The following RORA variants were observed in gnomAD, a reference collection of about 807,000 sequenced individuals.
RORA encodes the protein nuclear receptor ROR-alpha.
RORA carries 7 observed loss-of-function variants against 69.5 expected under a neutral mutation model. That is an observed-to-expected ratio of 0.10 (90% CI 0.06 to 0.19). RORA has a LOEUF of 0.19. Among genes scored for constraint, RORA ranks in the 10% least tolerant of loss-of-function variants. The pLI, the probability that RORA is intolerant of heterozygous loss-of-function variation, is 1.00. For missense variants in RORA, 457 were observed against 663.0 expected (o/e 0.69, Z 3.41); for synonymous variants, 261 against 240.8 (o/e 1.08, Z -0.78).
At chr15:60,787,908 T>C (rs2072360935) in intron 1 of RORA, among the ~76,000 whole-genome samples, 1 of 152,262 alleles carries the variant, frequency 6.6e-6, no homozygotes, top group Admixed American at 6.5e-5. Flanking sequence ...AAGTATTGAT[T>C]GTGCTGGGCA....
chr15:60,833,350 G>A (rs1029764453), intron 1 of RORA, among the ~76,000 whole-genome samples: 3 of 152,036 alleles, frequency 2.0e-5, no homozygotes, highest in Non-Finnish European at 2.9e-5. Flanking sequence ...TCAGTAGCTG[G>A]GATTACAGGC....
chr15:60,830,312 C>T (rs1382441431), intron 1 of RORA, among the ~76,000 whole-genome samples: 3 of 152,184 alleles, frequency 2.0e-5, no homozygotes, highest in African/African-American at 7.2e-5. Context: ...ACTCTGTTAA[C>T]ATTTTGGATA....
chr15:61,092,133 A>T (rs1187216468), intron 1 of RORA, among the ~76,000 whole-genome samples: 1 of 152,256 alleles, frequency 6.6e-6, no homozygotes, highest in Non-Finnish European at 1.5e-5. Flanking sequence ...TGCTTAATAA[A>T]TCATCAACAA....
chr15:61,191,644 TG>T (rs2079801502), intron 1 of RORA, among the ~76,000 whole-genome samples: 1 of 152,208 alleles, frequency 6.6e-6, no homozygotes. Flanking sequence ...AGACACTGAC[TG>T]CTTATTGGTT....
chr15:60,787,985 T>C (rs114144217), intron 1 of RORA, among the ~76,000 whole-genome samples: 15 of 152,204 alleles, frequency 9.9e-5, no homozygotes, highest in African/African-American at 2.9e-4. Context: ...TGGAGCTAAG[T>C]CTGGTGGCAG....
intron 1 of RORA, among the ~76,000 whole-genome samples, chr15:60,771,189 C>A (rs1474436893): frequency 9.8e-6 from 1 of 101,974 alleles, no homozygotes; most frequent in East Asian, 2.3e-4. Context: ...TCCAACTCCC[C>A]CTACCCTCCA....
intron 2 of RORA, among the ~76,000 whole-genome samples, chr15:60,562,723 T>C (rs1433730852): frequency 1.3e-5 from 2 of 151,504 alleles, no homozygotes; most frequent in African/African-American, 4.9e-5. Context: ...TGGGATTACA[T>C]GCATGAGCCA....
At chr15:60,591,291 A>AGCGGACG in intron 2 of RORA, among the ~76,000 whole-genome samples, 1 of 152,208 alleles carries the variant, frequency 6.6e-6, no homozygotes, top group Non-Finnish European at 1.5e-5. Flanking sequence ...CGGGCGCACA[A>AGCGGACG]GCGGGCGGCG....
intron 1 of RORA, among the ~76,000 whole-genome samples, chr15:61,094,120 T>A (rs1377892472): frequency 6.6e-6 from 1 of 152,176 alleles, no homozygotes; most frequent in Non-Finnish European, 1.5e-5. Context: ...TTAGAAAGAC[T>A]TAGCCTTTTC....
Position 61,132,280 on chromosome 15 carries a change from G to GTT in RORA, c.166+96771_166+96772dup, listed in dbSNP as rs147318407. Among the ~76,000 whole-genome samples, 939 of 148,996 alleles carry GTT rather than the reference G, an allele frequency of 6.3e-3. 13 individuals carry two copies. The highest frequency in any genetic ancestry group is 0.022 in the African/African-American group (903 of 40,688). On this transcript the variant is annotated intron_variant, in intron 1 of 10. Coordinates refer to ENST00000335670, the MANE Select transcript of RORA (RefSeq NM_134261.3). ...TACATGTCAACAGGAAAATTATTAG[G>GTT]TTTTTTTTTTATCTTAACGGATGTT... is the stretch of plus-strand genomic sequence containing the variant.
chr15:61,033,425 C>A (rs941341539), intron 1 of RORA, among the ~76,000 whole-genome samples: 18 of 14,288 alleles, frequency 1.3e-3, no homozygotes, highest in African/African-American at 2.8e-3. Flanking sequence ...AAAACAAAAA[C>A]CAGTTTTGCT....
chr15:61,115,178 C>A (rs561324021), intron 1 of RORA, among the ~76,000 whole-genome samples: 1 of 152,220 alleles, frequency 6.6e-6, no homozygotes, highest in African/African-American at 2.4e-5. Context: ...TGCTCTCTTT[C>A]ATATCTCCAG....
At chr15:60,786,115 G>C (rs1352909231) in intron 1 of RORA, among the ~76,000 whole-genome samples, 2 of 152,224 alleles carry the variant, frequency 1.3e-5, no homozygotes, top group Non-Finnish European at 2.9e-5. Flanking sequence ...GGCCTCTGGG[G>C]GCTTCATCAG....
intron 3 of RORA, among the ~76,000 whole-genome samples, 167 bp from the exon 4 acceptor site, chr15:60,514,924 T>C (rs1317106482): frequency 6.6e-6 from 1 of 152,152 alleles, no homozygotes; most frequent in East Asian, 1.9e-4. Flanking sequence ...TTCTTTTTCC[T>C]TGAGTAAAAT....
At chr15:61,083,057 C>G (rs952146413) in intron 1 of RORA, among the ~76,000 whole-genome samples, 4 of 152,212 alleles carry the variant, frequency 2.6e-5, no homozygotes, top group African/African-American at 9.7e-5. Flanking sequence ...AAGCCCACAT[C>G]TGAGACCACA....
intron 1 of RORA, among the ~76,000 whole-genome samples, chr15:60,763,065 ATTTTTT>A (rs374433414): frequency 0.014 from 683 of 48,382 alleles, 22 homozygotes; most frequent in Admixed American, 0.051. Context: ...ATATGCACAG[ATTTTTT>A]TTTTTTTTTT....
At chr15:61,185,113 A>C (rs2079728632) in intron 1 of RORA, among the ~76,000 whole-genome samples, 1 of 152,202 alleles carries the variant, frequency 6.6e-6, no homozygotes, top group Non-Finnish European at 1.5e-5. Context: ...TACCTGGAAC[A>C]AATGAACCCA....
At chr15:60,799,357 C>T (rs143640985) in intron 1 of RORA, among the ~76,000 whole-genome samples, 109 of 152,232 alleles carry the variant, frequency 7.2e-4, no homozygotes, top group Middle Eastern at 3.4e-3. Flanking sequence ...GCCTTCTTGG[C>T]GTCCTCTCAA....
Position 60,819,767 on chromosome 15 carries a change from A to ACACACACACACACACACACGCG in RORA, c.167-141082_167-141081insCGCGTGTGTGTGTGTGTGTGTG, listed in dbSNP as rs1555455769. Among the ~76,000 whole-genome samples the ACACACACACACACACACACGCG allele has an allele frequency of 7.1e-3, 1,055 of 147,616 alleles. 59 individuals carry two copies. The highest frequency in any genetic ancestry group is 0.065 in the Admixed American group (942 of 14,586). ...CCCAGACACACACACACACACACAC[A>ACACACACACACACACACACGCG]CACACACACACACACACACACACAC... On this transcript the variant is annotated intron_variant, in intron 1 of 10. Transcript: ENST00000335670.
Sources: gnomAD v4.1 joint callset for allele counts (sites outside exome capture counted in the v4.1 genomes callset) on GRCh38, gnomAD v4.1.1 for gene constraint, MANE v1.5 for transcripts, NCBI Gene and HGNC (gene_info 2026-07-23, HGNC 2026-07-21) for gene names.